Variants in GREB1L observed in about 807,000 individuals in gnomAD.
GREB1L encodes the protein GREB1 like retinoic acid receptor coactivator.
Under a neutral mutation model 200.8 loss-of-function variants are expected in GREB1L, and 17 were observed. The ratio of observed to expected loss-of-function variants is 0.08; its 90% confidence interval spans 0.06 to 0.13. The LOEUF (loss-of-function observed/expected upper bound fraction) is 0.13, where lower values mean the gene tolerates loss of function less well. Ranked by LOEUF, GREB1L falls within the 10% of genes least tolerant of loss-of-function variation. The pLI is 1.00. For missense variants in GREB1L, 1,657 were observed against 2,367.7 expected, an observed-to-expected ratio of 0.70 and a Z score of 6.23; for synonymous variants, 789 against 893.0, an observed-to-expected ratio of 0.88 and a Z score of 2.08.
At chr18:21,444,514 C>A in intron 11 of GREB1L, 105 bp downstream of exon 11, 1 of 907,418 alleles carries the variant, frequency 1.1e-6, no homozygotes, top group Non-Finnish European at 1.7e-6. Context: ...CTTATTTTCC[C>A]TCTTTCGCTT....
Position 21,495,654 on chromosome 18 carries a change from G to T in GREB1L, c.3031-16G>T, listed in dbSNP as rs1359770073. The T allele has an allele frequency of 7.8e-7, 1 of 1,283,924 alleles. No individual in the cohort carries two copies. The highest frequency in any genetic ancestry group is 1.5e-5 in the African/African-American group (1 of 67,268). 79.5% of individuals were successfully genotyped at this position (1,283,924 alleles called of 1,614,324 possible). A position where few individuals can be genotyped will look rare whatever the true frequency, so the allele number is the denominator to read the frequency against. On this transcript the variant is annotated splice_polypyrimidine_tract_variant and intron_variant, in intron 19 of 32. Coordinates refer to ENST00000424526, the MANE Select transcript of GREB1L (RefSeq NM_001142966.3). ...AATGAGAGTTTTAATTTTAACATACGGGTCTCTTTCTGTAGAGTTGGAGAG... is the reference window on the plus strand; with the variant it reads ...AATGAGAGTTTTAATTTTAACATACTGGTCTCTTTCTGTAGAGTTGGAGAG...
intron 29 of GREB1L, 54 bp downstream of exon 29, chr18:21,515,698 C>A: frequency 1.6e-6 from 2 of 1,268,576 alleles, no homozygotes; most frequent in Non-Finnish European, 2.2e-6. Context: ...ATTGCTTCTG[C>A]CCAGCTCTAG....
chr18:21,449,457 G>C, intron 11 of GREB1L, 53 bp from the exon 12 acceptor site: 1 of 1,096,204 alleles, frequency 9.1e-7, no homozygotes, highest in South Asian at 1.6e-5. Flanking sequence ...GGGTGTGTGT[G>C]TCTCTCCTCC....
intron 1 of GREB1L, among the ~76,000 whole-genome samples, chr18:21,318,532 GTCATAAT>G (rs900955539): frequency 2.6e-5 from 4 of 152,184 alleles, no homozygotes; most frequent in African/African-American, 9.7e-5. Flanking sequence ...TCAAAACCCA[GTCATAAT>G]TGGTCTGTAC....
chr18:21,470,263 G>A (rs1301624576), intron 15 of GREB1L, among the ~76,000 whole-genome samples: 2 of 152,024 alleles, frequency 1.3e-5, no homozygotes. Context: ...ACTCAGCGTG[G>A]GTGACAGAAC....
chr18:21,400,572 C>A (rs368456906), intron 5 of GREB1L, among the ~76,000 whole-genome samples: 31 of 152,302 alleles, frequency 2.0e-4, no homozygotes, highest in East Asian at 1.2e-3. Flanking sequence ...GCTGACATAA[C>A]CCTAATTCGG....
intron 4 of GREB1L, among the ~76,000 whole-genome samples, chr18:21,388,456 T>C (rs2040634540): frequency 6.6e-6 from 1 of 151,922 alleles, no homozygotes. Flanking sequence ...CTTGGTTTTT[T>C]CCTAATATCC....
intron 1 of GREB1L, among the ~76,000 whole-genome samples, chr18:21,294,458 TAATAATAATACAAA>T (rs2038497262): frequency 6.6e-6 from 1 of 151,726 alleles, no homozygotes; most frequent in African/African-American, 2.4e-5. Flanking sequence ...AACAAAATAA[TAATAATAATACAAA>T]GGGTGGGGAG....
intron 1 of GREB1L, among the ~76,000 whole-genome samples, chr18:21,298,682 A>G (rs887204181): frequency 3.9e-5 from 6 of 152,180 alleles, no homozygotes; most frequent in African/African-American, 1.2e-4. Context: ...AATATTTCCA[A>G]TGAAAAAAAT....
At chr18:21,497,625 CAA>C (rs1427772321) in intron 21 of GREB1L, among the ~76,000 whole-genome samples, 2 of 145,906 alleles carry the variant, frequency 1.4e-5, no homozygotes, top group African/African-American at 2.6e-5. Flanking sequence ...TTCTGGGTGA[CAA>C]GAGGAAAACT....
intron 1 of GREB1L, among the ~76,000 whole-genome samples, chr18:21,288,155 C>G (rs986878919): frequency 6.6e-6 from 1 of 151,982 alleles, no homozygotes; most frequent in African/African-American, 2.4e-5. Context: ...TACTTTTTCC[C>G]CCATTCTTTT....
intron 2 of GREB1L, among the ~76,000 whole-genome samples, chr18:21,377,802 C>T (rs531677223): frequency 6.6e-6 from 1 of 151,916 alleles, no homozygotes; most frequent in Non-Finnish European, 1.5e-5. Context: ...CCCAGCTACT[C>T]GGGAGCCTGA....
chr18:21,248,054 T>C (rs2037637031), intron 1 of GREB1L, among the ~76,000 whole-genome samples: 1 of 152,254 alleles, frequency 6.6e-6, no homozygotes, highest in Non-Finnish European at 1.5e-5. Context: ...TAAATCATTT[T>C]TGCATGCTAA....
At chr18:21,386,781 A>G (rs1286276771) in intron 4 of GREB1L, among the ~76,000 whole-genome samples, 4 of 152,170 alleles carry the variant, frequency 2.6e-5, no homozygotes, top group Non-Finnish European at 5.9e-5. Flanking sequence ...CTAGGATTAC[A>G]GGCGTGAGCC....
chr18:21,398,604 A>T (rs2144458821), intron 5 of GREB1L, among the ~76,000 whole-genome samples: 1 of 152,334 alleles, frequency 6.6e-6, no homozygotes, highest in African/African-American at 2.4e-5. Context: ...TTGTCCAAAA[A>T]CTTTCATCCA....
At position 21,505,634 on chromosome 18, in the gene GREB1L, A is replaced by G. The variant is rs776767506; in HGVS notation, c.4228+67A>G. The G allele has an allele frequency of 4.3e-4, 651 of 1,505,794 alleles. 1 individual carries two copies. The highest frequency in any genetic ancestry group is 3.7e-4 in the Non-Finnish European group (412 of 1,113,960). The allele number at this position is 1,505,794 out of a possible 1,614,324, so 93.3% of individuals were successfully genotyped here. A position where few individuals can be genotyped will look rare whatever the true frequency, so the allele number is the denominator to read the frequency against. ...GGGACACTAGCTCAGGGTGCCTTAC[A>G]TCTCACTTTTCTTTCGCTCTTATGC... On this transcript the variant is annotated intron_variant, in intron 24 of 32. Transcript: ENST00000424526.
intron 7 of GREB1L, among the ~76,000 whole-genome samples, chr18:21,413,546 A>G (rs2031302171): frequency 6.6e-6 from 1 of 152,190 alleles, no homozygotes; most frequent in African/African-American, 2.4e-5. Flanking sequence ...ACTTCTAGCC[A>G]GATACTGAGA....
intron 6 of GREB1L, among the ~76,000 whole-genome samples, chr18:21,402,697 AT>A (rs1216269093): frequency 6.6e-6 from 1 of 151,466 alleles, no homozygotes; most frequent in Non-Finnish European, 1.5e-5. Context: ...TAATTTTTGT[AT>A]TTTTTGTAGG....
intron 19 of GREB1L, among the ~76,000 whole-genome samples, chr18:21,494,764 G>A (rs1249316263): frequency 6.6e-6 from 1 of 152,156 alleles, no homozygotes; most frequent in Non-Finnish European, 1.5e-5. Context: ...CACACTTAAT[G>A]AAAAGCAGTA....
Sources: gnomAD v4.1 joint callset for allele counts (sites outside exome capture counted in the v4.1 genomes callset) on GRCh38, gnomAD v4.1.1 for gene constraint, MANE v1.5 for transcripts, NCBI Gene and HGNC (gene_info 2026-07-23, HGNC 2026-07-21) for gene names.